The following HRNR variants were observed in gnomAD, a reference collection of about 807,000 sequenced individuals.
HRNR encodes filaggrin family member 3.
HRNR carries 7 observed loss-of-function variants against 4.8 expected under a neutral mutation model. That is an observed-to-expected ratio of 1.47 (90% CI 0.83 to 2.75). The LOEUF is 2.75. Ranked by LOEUF, HRNR falls within the 30% of genes most tolerant of loss-of-function variation. The probability of loss-of-function intolerance (pLI) is 0.00; values close to 1 mark genes in which losing one functional copy is unlikely to be tolerated. For synonymous variants in HRNR, 1,023 were observed against 1,242.7 expected, an observed-to-expected ratio of 0.82 and a Z score of 3.72; for missense variants, 2,879 against 3,010.4, an observed-to-expected ratio of 0.96 and a Z score of 1.02.
Position 152,221,315 on chromosome 1 carries a change from G to A in HRNR, c.314C>T (p.Thr105Ile), listed in dbSNP as rs755433705. Residue 105 changes from threonine (T) to isoleucine (I), a missense_variant, in exon 3 of 3, where the codon ACT becomes ATT. By Grantham distance (89) the Thr-to-Ile change is moderately conservative. This residue lies in a region of HRNR where 2,646 missense variants were observed against 1,377.7 expected (regional missense o/e 1.92). Coordinates refer to ENST00000368801, the MANE Select transcript of HRNR (RefSeq NM_001009931.3). ...QVSGSKLRDDTHQHQEEQEET... is the reference protein window; with the variant it reads ...QVSGSKLRDDIHQHQEEQEET... ...TTCTTGTTCCTCTTGGTGCTGGTGAGTGTCATCTCTCAGCTTTGACCCTGA... is the reference window on the plus strand; with the variant it reads ...TTCTTGTTCCTCTTGGTGCTGGTGAATGTCATCTCTCAGCTTTGACCCTGA... 3 of 1,613,834 alleles carry A rather than the reference G, an allele frequency of 1.9e-6. No individual in the cohort carries two copies. The highest frequency in any genetic ancestry group is 2.2e-5 in the South Asian group (2 of 91,080).
rs1446537065 is a variant in HRNR at position 152,219,156 on chromosome 1, C to A, written c.2473G>T (p.Gly825Ter). The change falls in exon 3 of 3, where the codon GGA becomes TGA. Residue 825 changes from glycine to a stop codon, truncating the protein, a stop_gained. Transcript: ENST00000368801. LOFTEE classifies it low-confidence loss of function (END_TRUNC). ...SGFGQHESGS[G>*]QGYSQHGSAS... ...GAACCATGCTGACTATAGCCCTGTCCTGAGCCAGACTCGTGTTGCCCAAAA... is the reference window on the plus strand; with the variant it reads ...GAACCATGCTGACTATAGCCCTGTCATGAGCCAGACTCGTGTTGCCCAAAA... 11 of 1,613,752 alleles carry A rather than the reference C, an allele frequency of 6.8e-6. No homozygotes were observed. Among genetic ancestry groups the A allele is most frequent in the Non-Finnish European group, 9.3e-6 (11 of 1,179,964 alleles).
In HRNR at chr1:152,221,124, G is replaced by T. The variant is rs147434911; in HGVS notation, c.505C>A (p.His169Asn). 33 of 1,614,120 alleles carry T rather than the reference G, an allele frequency of 2.0e-5. No individual in the cohort carries two copies. In the African/African-American group the frequency reaches 3.2e-4, roughly 16 times the overall value. The change falls in exon 3 of 3, where the codon CAT becomes AAT. Residue 169 changes from histidine (H) to asparagine (N), a missense_variant. Physicochemically the swap from His to Asn is moderately conservative, Grantham distance 68 (BLOSUM62 1). This residue lies in a region of HRNR where 2,646 missense variants were observed against 1,377.7 expected (regional missense o/e 1.92). Transcript: ENST00000368801. The part of the protein sequence containing the change: ...LSFQRDFSGQ[H>N]NSYSGQSSSY... ...GAAGACTGACCTGAGTAGGAGTTAT[G>T]TTGGCCAGAAAAGTCTCTTTGAAAA...
Position 152,212,998 on chromosome 1 carries a change from G to A in HRNR, c.*78C>T. On this transcript the variant is annotated 3_prime_UTR_variant, in exon 3 of 3. Transcript: ENST00000368801. The stretch of plus-strand genomic sequence containing the variant: ...GAACGAATTTCATGATGGATTGCTT[G>A]TCTTTCATGATGAATTCATAGATGA... 1 of 1,528,850 alleles carries A rather than the reference G, an allele frequency of 6.5e-7. No individual in the cohort carries two copies. The highest frequency in any genetic ancestry group is 8.8e-7 in the Non-Finnish European group (1 of 1,138,052). 94.7% of individuals were successfully genotyped at this position (1,528,850 alleles called of 1,614,324 possible).
Position 152,220,478 on chromosome 1 carries a change from G to A in HRNR, c.1151C>T (p.Ala384Val), listed in dbSNP as rs1648932384. ...GGAGCCATGTTGGCCAGAGCTTGAT[G>A]CCTGCCCTGACGTAGATCCATGTTG... is the stretch of plus-strand genomic sequence containing the variant. The part of the protein sequence containing the change: ...QGQHGSTSGQ[A>V]SSSGQHGSSS... The change falls in exon 3 of 3, where the codon GCA (alanine) becomes GTA (valine). Residue 384 changes from alanine to valine, a missense_variant. Transcript: ENST00000368801. The A allele has an allele frequency of 3.1e-6, 5 of 1,612,152 alleles. No individual in the cohort carries two copies. Among genetic ancestry groups the A allele is most frequent in the Non-Finnish European group, 3.4e-6 (4 of 1,178,912 alleles).
Position 152,218,556 on chromosome 1 carries a change from C to T in HRNR, c.3073G>A (p.Gly1025Ser), listed in dbSNP as rs750021479. Residue 1025 changes from glycine to serine, a missense_variant, in exon 3 of 3, where the codon GGC (glycine) becomes AGC (serine). Gly to Ser is a moderately conservative substitution (Grantham distance 56). Around this residue, in one of 8 missense-constraint regions of HRNR, gnomAD observed 2,646 missense variants for 1,377.7 expected, o/e 1.92. Transcript: ENST00000368801. ...CACCCTGAGCCAGACCTATATGGGC[C>T]ATAGCTGGAAGACTGCCCGGAACCA... ...GSGSGQSSSY[G>S]PYRSGSGWSS... 1.1e-5 allele frequency: 17 copies of T among 1,613,578 alleles called. No homozygotes were observed. Among genetic ancestry groups the T allele is most frequent in the Middle Eastern group, 1.6e-4 (1 of 6,062 alleles).
chr1:152,222,118 AG>A (rs1649023443), intron 2 of HRNR, among the ~76,000 whole-genome samples: 1 of 152,186 alleles, frequency 6.6e-6, no homozygotes, highest in African/African-American at 2.4e-5. Flanking sequence ...AGCCAAATGA[AG>A]AAGTAGGAAG....
At position 152,213,177 on chromosome 1, in the gene HRNR, T is replaced by A. The variant is rs775969579; in HGVS notation, c.8452A>T (p.Asn2818Tyr). ...GAGCCAGAACTTCCCCCATCATGGT[T>A]ACTTCCTCCTTTGCAATAAGAATAC... ...DGYSYCKGGS[N>Y]HDGGSSGSYF... The change falls in exon 3 of 3, where the codon AAC becomes TAC. Residue 2818 changes from asparagine (N) to tyrosine (Y), a missense_variant. By Grantham distance (143) the Asn-to-Tyr change is moderately radical. Transcript: ENST00000368801. 3.7e-6 allele frequency: 6 copies of A among 1,614,086 alleles called. No homozygotes were observed. The highest frequency in any genetic ancestry group is 1.1e-5 in the South Asian group (1 of 91,086).
At position 152,221,374 on chromosome 1, in the gene HRNR, A is replaced by G; in HGVS notation, c.255T>C (p.Arg85=). Residue 85 remains arginine (R), a synonymous_variant, in exon 3 of 3, where the codon CGT becomes CGC. Coordinates refer to ENST00000368801, the MANE Select transcript of HRNR (RefSeq NM_001009931.3). ...AGTAATCTTTGCCAATGATTTTATT[A>G]CGAGCCTGAACCAGCTTGAATATCA... The part of the protein sequence containing the change: ...LLMIFKLVQA[R]NKIIGKDYCQ... 6.2e-7 allele frequency: 1 copy of G among 1,613,954 alleles called. No individual in the cohort carries two copies. The highest frequency in any genetic ancestry group is 8.5e-7 in the Non-Finnish European group (1 of 1,180,002).
In HRNR at chr1:152,221,295, G is replaced by T. The variant is rs763765759; in HGVS notation, c.334C>A (p.Gln112Lys). 2.2e-5 allele frequency: 36 copies of T among 1,613,808 alleles called. No homozygotes were observed. In the African/African-American group the frequency reaches 3.3e-4, roughly 15 times the overall value. ...TTCTCCTCTTTTTCAGTTTCTTCTTGTTCCTCTTGGTGCTGGTGAGTGTCA... is the reference window on the plus strand; with the variant it reads ...TTCTCCTCTTTTTCAGTTTCTTCTTTTTCCTCTTGGTGCTGGTGAGTGTCA... ...RDDTHQHQEEQEETEKEENKR... is the reference protein window; with the variant it reads ...RDDTHQHQEEKEETEKEENKR... The change falls in exon 3 of 3, where the codon CAA becomes AAA. Residue 112 changes from glutamine (Q) to lysine (K), a missense_variant. Physicochemically the swap from Gln to Lys is moderately conservative, Grantham distance 53 (BLOSUM62 1). This residue lies in a region of HRNR where 2,646 missense variants were observed against 1,377.7 expected (regional missense o/e 1.92). Coordinates refer to ENST00000368801, the MANE Select transcript of HRNR (RefSeq NM_001009931.3).
Position 152,218,611 on chromosome 1 carries a change from A to G in HRNR, c.3018T>C (p.Ser1006=), listed in dbSNP as rs1361999009. The stretch of plus-strand genomic sequence containing the variant: ...CATGTCGGCCACGGCTAGGGCTAGG[A>G]GACTGGCCAGATCCAGACCCATGTT... ...HGQHGSGSGQ[S]PSPSRGRHGS... The change falls in exon 3 of 3, where the codon TCT becomes TCC. Residue 1006 remains serine (S), a synonymous_variant. Transcript: ENST00000368801. 8.7e-6 allele frequency: 14 copies of G among 1,612,702 alleles called. No individual in the cohort carries two copies. Among genetic ancestry groups the G allele is most frequent in the Non-Finnish European group, 1.2e-5 (14 of 1,179,662 alleles).
chr1:152,221,541 T>C, intron 2 of HRNR, 51 bp from the exon 3 acceptor site: 1 of 1,346,312 alleles, frequency 7.4e-7, no homozygotes, highest in Non-Finnish European at 1.0e-6. Context: ...GGACAATACA[T>C]CTGGCTAACG....
rs139453762 is a variant in HRNR at position 152,220,489 on chromosome 1, C to T, written c.1140G>A (p.Thr380=). The T allele has an allele frequency of 1.6e-4, 261 of 1,612,118 alleles. No individual in the cohort carries two copies. Among genetic ancestry groups the T allele is most frequent in the Non-Finnish European group, 1.9e-4 (229 of 1,178,902 alleles). Residue 380 remains threonine, a synonymous_variant, in exon 3 of 3, where the codon ACG becomes ACA. Coordinates refer to ENST00000368801, the MANE Select transcript of HRNR (RefSeq NM_001009931.3). ...GGCCAGAGCTTGATGCCTGCCCTGA[C>T]GTAGATCCATGTTGTCCCTGGCTAG... is the stretch of plus-strand genomic sequence containing the variant. ...HSSSQGQHGS[T]SGQASSSGQH...
Position 152,213,153 on chromosome 1 carries a change from A to G in HRNR, c.8476T>C (p.Ser2826Pro), listed in dbSNP as rs1648451130. Residue 2826 changes from serine to proline, a missense_variant, in exon 3 of 3, where the codon TCA becomes CCA. Coordinates refer to ENST00000368801, the MANE Select transcript of HRNR (RefSeq NM_001009931.3). ...CTACTAGGAAAACTGAGAAAATATGAGCCAGAACTTCCCCCATCATGGTTA... is the reference window on the plus strand; with the variant it reads ...CTACTAGGAAAACTGAGAAAATATGGGCCAGAACTTCCCCCATCATGGTTA... ...GSNHDGGSSG[S>P]YFLSFPSSTS... The G allele has an allele frequency of 1.2e-6, 2 of 1,614,024 alleles. No individual in the cohort carries two copies. Among genetic ancestry groups the G allele is most frequent in the African/African-American group, 2.7e-5 (2 of 75,076 alleles).
Position 152,212,983 on chromosome 1 carries a change from C to T in HRNR, c.*93G>A. ...ATTGATTCACTTTTAGAACGAATTT[C>T]ATGATGGATTGCTTGTCTTTCATGA... is the stretch of plus-strand genomic sequence containing the variant. On this transcript the variant is annotated 3_prime_UTR_variant, in exon 3 of 3. Transcript: ENST00000368801. 6.6e-7 allele frequency: 1 copy of T among 1,504,498 alleles called. No individual in the cohort carries two copies. Among genetic ancestry groups the T allele is most frequent in the African/African-American group, 1.4e-5 (1 of 71,772 alleles). The allele number at this position is 1,504,498 out of a possible 1,614,324, so 93.2% of individuals were successfully genotyped here. A position where few individuals can be genotyped will look rare whatever the true frequency, so the allele number is the denominator to read the frequency against.
At position 152,213,221 on chromosome 1, in the gene HRNR, C is replaced by A. The variant is rs552697734; in HGVS notation, c.8408G>T (p.Ser2803Ile). ...AGAATACCCATCTTGCCCTGAGCCA[C>A]TTCCATGCTGACTATAACCAGAGGA... ...GQSSGYSQHG[S>I]GSGQDGYSYC... is the part of the protein sequence containing the mutation. The change falls in exon 3 of 3, where the codon AGT becomes ATT. Residue 2803 changes from serine to isoleucine, a missense_variant. Around this residue, in one of 8 missense-constraint regions of HRNR, gnomAD observed 158 missense variants for 107.6 expected, o/e 1.47. Coordinates refer to ENST00000368801, the MANE Select transcript of HRNR (RefSeq NM_001009931.3). The A allele has an allele frequency of 3.7e-6, 6 of 1,614,056 alleles. No homozygotes were observed. Among genetic ancestry groups the A allele is most frequent in the East Asian group, 4.5e-5 (2 of 44,902 alleles).
At position 152,213,072 on chromosome 1, in the gene HRNR, T is replaced by C. The variant is rs1371854554; in HGVS notation, c.*4A>G. Reference sequence around the variant, plus strand: ...CTTGAGTAAATTGCATTTATGTTTATTATTCACTGATAAAAGTAGCACCTC... The same window carrying C: ...CTTGAGTAAATTGCATTTATGTTTACTATTCACTGATAAAAGTAGCACCTC... On this transcript the variant is annotated 3_prime_UTR_variant, in exon 3 of 3. Coordinates refer to ENST00000368801, the MANE Select transcript of HRNR (RefSeq NM_001009931.3). The C allele has an allele frequency of 4.4e-6, 7 of 1,608,204 alleles. No homozygotes were observed. The highest frequency in any genetic ancestry group is 5.9e-6 in the Non-Finnish European group (7 of 1,177,046).
At chr1:152,223,650 G>C (rs1649073576) in intron 1 of HRNR, among the ~76,000 whole-genome samples, 1 of 152,124 alleles carries the variant, frequency 6.6e-6, no homozygotes, top group Non-Finnish European at 1.5e-5. Context: ...TGTGGGCATA[G>C]GTCCATCATC....
Position 152,219,754 on chromosome 1 carries a change from T to A in HRNR, c.1875A>T (p.Gln625His). 6.2e-7 allele frequency: 1 copy of A among 1,613,558 alleles called. No individual in the cohort carries two copies. The highest frequency in any genetic ancestry group is 8.5e-7 in the Non-Finnish European group (1 of 1,179,666). Reference sequence around the variant, plus strand: ...AAGACTGACCTGAGGTAGCTCCATGTTGGCCACAGCTCGATGACTGTCCTG... The same window carrying A: ...AAGACTGACCTGAGGTAGCTCCATGATGGCCACAGCTCGATGACTGTCCTG... ...STSGQSSSCGQHGATSGQSSS... is the reference protein window; with the variant it reads ...STSGQSSSCGHHGATSGQSSS... The change falls in exon 3 of 3, where the codon CAA becomes CAT. Residue 625 changes from glutamine to histidine, a missense_variant. Transcript: ENST00000368801.
rs1439393063 is a variant in HRNR, at chr1:152,218,407, A to G, written c.3222T>C (p.Ser1074=). ...GQHGSSSGHS[S]THGQHGSTSG... is the part of the protein sequence containing the mutation. The stretch of plus-strand genomic sequence containing the variant: ...ATGTAGAACCGTGTTGCCCATGGGT[A>G]GAGGAATGACCTGAGCTAGATCCAT... Residue 1074 remains serine, a synonymous_variant, in exon 3 of 3, where the codon TCT becomes TCC. Coordinates refer to ENST00000368801, the MANE Select transcript of HRNR (RefSeq NM_001009931.3). The G allele has an allele frequency of 6.2e-7, 1 of 1,612,986 alleles. No individual in the cohort carries two copies. The highest frequency in any genetic ancestry group is 2.2e-5 in the East Asian group (1 of 44,788).
Sources: gnomAD v4.1 joint callset for allele counts (sites outside exome capture counted in the v4.1 genomes callset) on GRCh38, gnomAD v4.1.1 for gene constraint, gnomAD v4.1.1 regional missense constraint, MANE v1.5 for transcripts, NCBI Gene and HGNC (gene_info 2026-07-23, HGNC 2026-07-21) for gene names.